CDK14: variants seen among roughly 807,000 people sequenced by gnomAD.
The protein encoded by CDK14 is cyclin-dependent kinase 14.
Under a neutral mutation model 60.7 loss-of-function variants are expected in CDK14, and 34 were observed. The observed-to-expected ratio is 0.56, with a 90% confidence interval of 0.43 to 0.75. CDK14 has a LOEUF of 0.75. Among genes scored for constraint, CDK14 ranks in the 30% least tolerant of loss-of-function variants. CDK14 has a pLI of 0.00. For synonymous variants in CDK14, 197 were observed against 203.7 expected, an observed-to-expected ratio of 0.97 and a Z score of 0.28; for missense variants, 482 against 564.1, an observed-to-expected ratio of 0.85 and a Z score of 1.47.
chr7:91,048,360 C>T (rs705358), intron 11 of CDK14, among the ~76,000 whole-genome samples: 16,354 of 152,266 alleles, frequency 0.11, 1,093 homozygotes, highest in Non-Finnish European at 0.15. Context: ...CCTCTTGTCT[C>T]GTAGAGCACC....
At chr7:91,023,158 TATA>T (rs1343161438) in intron 10 of CDK14, among the ~76,000 whole-genome samples, 1 of 152,228 alleles carries the variant, frequency 6.6e-6, no homozygotes, top group Non-Finnish European at 1.5e-5. Flanking sequence ...TTTTTCATAT[TATA>T]GCACTACCTT....
intron 2 of CDK14, among the ~76,000 whole-genome samples, chr7:90,622,928 T>TC (rs1799803765): frequency 6.7e-6 from 1 of 150,244 alleles, no homozygotes; most frequent in Admixed American, 6.6e-5. Flanking sequence ...TTTTTCTTTT[T>TC]TTTTTTTTTT....
chr7:90,913,213 C>T (rs1347505418), intron 7 of CDK14, among the ~76,000 whole-genome samples: 1 of 152,100 alleles, frequency 6.6e-6, no homozygotes, highest in Admixed American at 6.6e-5. Flanking sequence ...TAGGGACTTG[C>T]CTATTTGTCT....
At chr7:90,870,907 G>C (rs1000273370) in intron 6 of CDK14, among the ~76,000 whole-genome samples, 1 of 152,128 alleles carries the variant, frequency 6.6e-6, no homozygotes, top group African/African-American at 2.4e-5. Flanking sequence ...ACAGACTAGT[G>C]AACTAGTTTG....
intron 10 of CDK14, among the ~76,000 whole-genome samples, chr7:90,991,525 AAGATAATACTTCAG>A (rs1442181860): frequency 6.6e-6 from 1 of 152,160 alleles, no homozygotes; most frequent in Non-Finnish European, 1.5e-5. Flanking sequence ...TCCCTGGAGC[AAGATAATACTTCAG>A]CTCAGGTCTG....
At chr7:91,128,344 T>C (rs910065593) in intron 14 of CDK14, among the ~76,000 whole-genome samples, 3 of 152,174 alleles carry the variant, frequency 2.0e-5, no homozygotes, top group East Asian at 1.9e-4. Context: ...CTACTGTATA[T>C]AGCTTTCAAG....
At chr7:91,017,501 A>G (rs1194164100) in intron 10 of CDK14, among the ~76,000 whole-genome samples, 2 of 152,190 alleles carry the variant, frequency 1.3e-5, no homozygotes, top group East Asian at 3.8e-4. Context: ...TTTTAGAGAG[A>G]TGAACTCTTT....
intron 3 of CDK14, among the ~76,000 whole-genome samples, chr7:90,735,509 C>T (rs1422403742): frequency 1.6e-4 from 24 of 152,210 alleles, no homozygotes; most frequent in Admixed American, 1.1e-3. Flanking sequence ...AAATGCCCTG[C>T]CCAGAGAGGA....
At chr7:90,792,180 G>GT (rs1305656024) in intron 5 of CDK14, among the ~76,000 whole-genome samples, 1 of 149,098 alleles carries the variant, frequency 6.7e-6, no homozygotes, top group East Asian at 2.0e-4. Context: ...GATTACAGGC[G>GT]TGAGCCACTG....
intron 5 of CDK14, among the ~76,000 whole-genome samples, chr7:90,822,583 C>G (rs974258384): frequency 6.6e-6 from 1 of 152,240 alleles, no homozygotes; most frequent in African/African-American, 2.4e-5. Flanking sequence ...TAACTCTCTT[C>G]CCTTACCTGC....
chr7:90,656,375 C>A (rs1014986726), intron 2 of CDK14, among the ~76,000 whole-genome samples: 1 of 107,092 alleles, frequency 9.3e-6, no homozygotes, highest in African/African-American at 3.7e-5. Context: ...CTCCTTTTTT[C>A]TTTCTTTCTT....
chr7:90,889,155 T>C (rs1584090949), intron 6 of CDK14, among the ~76,000 whole-genome samples: 1 of 152,338 alleles, frequency 6.6e-6, no homozygotes, highest in East Asian at 1.9e-4. Flanking sequence ...TATATATATA[T>C]GGATATAGAA....
intron 5 of CDK14, among the ~76,000 whole-genome samples, chr7:90,850,708 C>T (rs760062549): frequency 4.6e-5 from 7 of 152,036 alleles, no homozygotes; most frequent in African/African-American, 1.2e-4. Context: ...GATAGGGAGT[C>T]GGGAGCTGCA....
chr7:91,168,186 C>T (rs989686427), intron 14 of CDK14, among the ~76,000 whole-genome samples: 8 of 149,196 alleles, frequency 5.4e-5, no homozygotes, highest in Non-Finnish European at 1.0e-4. Context: ...TGCTTGAACC[C>T]GGGAGGCGGA....
chr7:91,186,620 C>G (rs1802201341), intron 14 of CDK14, among the ~76,000 whole-genome samples: 1 of 152,052 alleles, frequency 6.6e-6, no homozygotes, highest in South Asian at 2.1e-4. Flanking sequence ...TTGAGTGAAC[C>G]CTTCTCTTTG....
At chr7:90,653,444 C>T (rs1368352862) in intron 2 of CDK14, among the ~76,000 whole-genome samples, 1 of 151,760 alleles carries the variant, frequency 6.6e-6, no homozygotes, top group African/African-American at 2.4e-5. Context: ...TCTGTGTCTC[C>T]TTCTATCCTT....
At chr7:90,948,685 C>T (rs1053181192) in intron 8 of CDK14, among the ~76,000 whole-genome samples, 6 of 152,154 alleles carry the variant, frequency 3.9e-5, no homozygotes, top group Non-Finnish European at 7.3e-5. Context: ...AGCTGTTTTC[C>T]ACCAAAATTT....
rs201389351 is a variant in CDK14 at position 90,601,833 on chromosome 7, A to ACCTCTGCCTC, written c.92-2382_92-2373dup. 8.9e-3 allele frequency among the ~76,000 whole-genome samples: 1,348 copies of ACCTCTGCCTC among 151,992 alleles called. 25 individuals carry two copies. Among genetic ancestry groups the ACCTCTGCCTC allele is most frequent in the African/African-American group, 0.029 (1,184 of 41,420 alleles). ...CAGTGGCGCAATCTTGCTCACTGCAACCTCTGCCTCCCAGGCTCAAGTGAT... is the reference window on the plus strand; with the variant it reads ...CAGTGGCGCAATCTTGCTCACTGCAACCTCTGCCTCCCTCTGCCTCCCAGGCTCAAGTGAT... On this transcript the variant is annotated intron_variant, in intron 1 of 14. Transcript: ENST00000380050.
intron 9 of CDK14, among the ~76,000 whole-genome samples, chr7:90,962,763 A>G (rs1425058902): frequency 2.6e-5 from 4 of 152,196 alleles, no homozygotes; most frequent in African/African-American, 9.6e-5. Flanking sequence ...TAAACAGCCA[A>G]TCACAGAGAC....
Sources: gnomAD v4.1 joint callset for allele counts (sites outside exome capture counted in the v4.1 genomes callset) on GRCh38, gnomAD v4.1.1 for gene constraint, MANE v1.5 for transcripts, NCBI Gene and HGNC (gene_info 2026-07-23, HGNC 2026-07-21) for gene names.